Variants in ISM2 observed in about 807,000 individuals in gnomAD.
ISM2 encodes isthmin 2.
In ISM2, 50 loss-of-function variants were observed where a neutral mutation model predicts 58.0. The ratio of observed to expected loss-of-function variants is 0.86; its 90% CI spans 0.69 to 1.09. ISM2 has a LOEUF of 1.09. ISM2 is among the 50% of genes least tolerant of loss of function. ISM2 has a pLI of 0.00. For synonymous variants in ISM2, 303 were observed against 312.4 expected (o/e 0.97, Z 0.32); for missense variants, 723 against 745.0 (o/e 0.97, Z 0.34).
chr14:77,485,263 T>C (rs936129508), intron 1 of ISM2, among the ~76,000 whole-genome samples: 4 of 152,186 alleles, frequency 2.6e-5, no homozygotes, highest in Admixed American at 2.6e-4. Context: ...GAGAGTGGTG[T>C]CCTTTGCAGA....
intron 1 of ISM2, among the ~76,000 whole-genome samples, chr14:77,494,622 C>T (rs953186596): frequency 1.3e-5 from 2 of 151,962 alleles, no homozygotes; most frequent in Non-Finnish European, 2.9e-5. Flanking sequence ...GTCTTGAACT[C>T]CTGACCTCAA....
intron 6 of ISM2, 84 bp downstream of exon 6, chr14:77,478,158 G>A (rs2079109053): frequency 1.8e-6 from 2 of 1,140,356 alleles, no homozygotes; most frequent in Admixed American, 3.8e-5. Context: ...AAAGAAGCCA[G>A]GTTCCTGCCA....
chr14:77,498,607 G>C (rs2079263730), intron 1 of ISM2, 46 bp downstream of exon 1: 2 of 1,406,302 alleles, frequency 1.4e-6, no homozygotes, highest in Non-Finnish European at 1.8e-6. Context: ...GGCTGGGGAG[G>C]TGGGACCGAC....
chr14:77,493,876 G>A lies in ISM2; in HGVS notation c.141+4777C>T, dbSNP rs542522317. 4.4e-3 allele frequency among the ~76,000 whole-genome samples: 668 copies of A among 150,552 alleles called. 6 individuals are homozygous for A. The highest frequency in any genetic ancestry group is 0.016 in the African/African-American group (645 of 40,934). On this transcript the variant is annotated intron_variant, in intron 1 of 6. Transcript: ENST00000342219. ...AAGCTCGGTCTCCCGGGTTCACGCC[G>A]TTCTCCTGCCTCAGCCTCCCGAGTA...
chr14:77,481,468 T>G (rs1420347593), intron 4 of ISM2, among the ~76,000 whole-genome samples: 1 of 152,232 alleles, frequency 6.6e-6, no homozygotes, highest in African/African-American at 2.4e-5. Flanking sequence ...AATACTTTCT[T>G]TACTCCATGC....
In ISM2 at chr14:77,498,799, C is replaced by A. The variant is rs758566185; in HGVS notation, c.-6G>T. ...CGGTCGCGGAGCGCACGCATCGTCT[C>A]GGTTCCGAGGCTGCTCTGCCTGCAC... On this transcript the variant is annotated 5_prime_UTR_variant, in exon 1 of 7. Transcript: ENST00000342219. 7.0e-7 allele frequency: 1 copy of A among 1,427,660 alleles called. No homozygotes were observed. Among genetic ancestry groups the A allele is most frequent in the Non-Finnish European group, 9.1e-7 (1 of 1,100,358 alleles). 88.4% of individuals were successfully genotyped at this position (1,427,660 alleles called of 1,614,324 possible).
intron 4 of ISM2, among the ~76,000 whole-genome samples, chr14:77,480,358 C>T (rs1242155401): frequency 1.3e-5 from 2 of 151,538 alleles, no homozygotes; most frequent in Admixed American, 6.6e-5. Flanking sequence ...CACTTCTGAT[C>T]TGAGGGAGCT....
At chr14:77,491,796 A>G (rs1281633748) in intron 1 of ISM2, among the ~76,000 whole-genome samples, 4 of 150,054 alleles carry the variant, frequency 2.7e-5, no homozygotes, top group Admixed American at 1.3e-4. Flanking sequence ...CCTGGGTTCA[A>G]GCGATTCTCA....
intron 1 of ISM2, among the ~76,000 whole-genome samples, chr14:77,491,852 A>G (rs1360906366): frequency 6.6e-6 from 1 of 150,528 alleles, no homozygotes; most frequent in African/African-American, 2.4e-5. Flanking sequence ...CCTGCCACTA[A>G]GCCCTGCTAA....
chr14:77,491,104 T>C (rs1227321299), intron 1 of ISM2, among the ~76,000 whole-genome samples: 1 of 152,164 alleles, frequency 6.6e-6, no homozygotes, highest in Non-Finnish European at 1.5e-5. Context: ...CTTGCAAATC[T>C]CCGGCAATCC....
chr14:77,482,539 G>GTC lies in ISM2; in HGVS notation c.754_755dup (p.Asp252GlufsTer158). ...CCCTGTCTTTTTCCTCTCCTTTGTA[G>GTC]TCTCCCCAGAGGAAGGACCAGAGGG... On this transcript the variant is annotated frameshift_variant, in exon 4 of 7. Coordinates refer to ENST00000342219, the MANE Select transcript of ISM2 (RefSeq NM_199296.3). LOFTEE classifies it high-confidence loss of function. The GTC allele has an allele frequency of 6.2e-7, 1 of 1,613,968 alleles. No homozygotes were observed. Among genetic ancestry groups the GTC allele is most frequent in the Non-Finnish European group, 8.5e-7 (1 of 1,179,990 alleles).
intron 4 of ISM2, among the ~76,000 whole-genome samples, chr14:77,479,765 T>C (rs1196078232): frequency 6.6e-6 from 1 of 152,168 alleles, no homozygotes; most frequent in Non-Finnish European, 1.5e-5. Flanking sequence ...TCCGCCTGCC[T>C]TGGCCTCCCA....
intron 1 of ISM2, among the ~76,000 whole-genome samples, chr14:77,493,241 C>A (rs1054679092): frequency 1.3e-5 from 2 of 152,112 alleles, no homozygotes; most frequent in East Asian, 3.9e-4. Flanking sequence ...AGTGATCCAC[C>A]TGCCTTGGCT....
At chr14:77,484,295 G>C (rs1386141650) in intron 3 of ISM2, 28 bp downstream of exon 3, 2 of 1,603,304 alleles carry the variant, frequency 1.2e-6, no homozygotes, top group Admixed American at 3.4e-5. Flanking sequence ...GGTGTCTGCA[G>C]GGCTGCTGGC....
intron 4 of ISM2, 27 bp downstream of exon 4, chr14:77,482,295 T>G (rs1252254552): frequency 6.4e-7 from 1 of 1,565,024 alleles, no homozygotes; most frequent in African/African-American, 1.3e-5. Flanking sequence ...GGGAGCAGCC[T>G]GGGGATGCCA....
chr14:77,496,718 A>G (rs949572670), intron 1 of ISM2, among the ~76,000 whole-genome samples: 7 of 142,592 alleles, frequency 4.9e-5, no homozygotes, highest in South Asian at 2.3e-4. Flanking sequence ...AATTGCTTGA[A>G]CCCGAGAGGC....
Position 77,474,395 on chromosome 14 carries a change from T to A in ISM2, c.*1200A>T, listed in dbSNP as rs563396742. The stretch of plus-strand genomic sequence containing the variant: ...CCCGAAAGTCTTCATCAGGCAGAAT[T>A]TGAAAATAAAGTGCTTTATTGCTGA... On this transcript the variant is annotated 3_prime_UTR_variant, in exon 7 of 7. Transcript: ENST00000342219. The A allele has an allele frequency of 2.0e-5, 3 of 152,320 alleles. No individual in the cohort carries two copies. The highest frequency in any genetic ancestry group is 4.4e-5 in the Non-Finnish European group (3 of 68,042). The allele number at this position is 152,320 out of a possible 1,614,324, so 9.4% of individuals were successfully genotyped here. A position where few individuals can be genotyped will look rare whatever the true frequency, so the allele number is the denominator to read the frequency against.
intron 1 of ISM2, among the ~76,000 whole-genome samples, chr14:77,496,420 G>A (rs28776598): frequency 0.086 from 13,044 of 151,802 alleles, 655 homozygotes; most frequent in African/African-American, 0.13. Context: ...CCCAGGAGGC[G>A]GAGGTTGTGG....
intron 5 of ISM2, 36 bp from the exon 6 acceptor site, chr14:77,478,361 C>G (rs145840006): frequency 7.0e-6 from 11 of 1,563,970 alleles, no homozygotes; most frequent in Non-Finnish European, 9.7e-6. Flanking sequence ...GGTGGCTCCG[C>G]AGGCCACCTC....
Sources: allele counts gnomAD v4.1 joint callset (sites outside exome capture counted in the v4.1 genomes callset), GRCh38; gene constraint gnomAD v4.1.1; transcripts MANE v1.5; gene names NCBI Gene and HGNC (gene_info 2026-07-23, HGNC 2026-07-21).